GPC6: variants seen among roughly 807,000 people sequenced by gnomAD.
GPC6 encodes the protein glypican-6.
Under a neutral mutation model 55.2 loss-of-function variants are expected in GPC6, and 14 were observed. The observed-to-expected ratio is 0.25, with a 90% CI of 0.17 to 0.40. The LOEUF (loss-of-function observed/expected upper bound fraction) is 0.40. Ranked by LOEUF, GPC6 falls within the 10% of genes least tolerant of loss-of-function variation. GPC6 has a pLI of 1.00. For synonymous variants in GPC6, 278 were observed against 259.6 expected (o/e 1.07, Z -0.68); for missense variants, 641 against 708.5 (o/e 0.90, Z 1.08).
intron 3 of GPC6, among the ~76,000 whole-genome samples, chr13:93,927,189 A>G (rs890807413): frequency 5.3e-5 from 8 of 152,220 alleles, no homozygotes; most frequent in Non-Finnish European, 1.2e-4. Context: ...ACAATATCTT[A>G]GCCTGTCTGT....
rs142209231 is a variant in GPC6 at position 93,552,123 on chromosome 13, C to T, written c.319+6702C>T. On this transcript the variant is annotated intron_variant, in intron 2 of 8. Coordinates refer to ENST00000377047, the MANE Select transcript of GPC6 (RefSeq NM_005708.5). ...TACATTTGCTAGGCTACCAGCTCAG[C>T]GACATGTATTCCATCTGAAGGACAC... Among the ~76,000 whole-genome samples, 23 of 152,206 alleles carry T rather than the reference C, an allele frequency of 1.5e-4. No individual in the cohort carries two copies. The East Asian group carries it at 4.4e-3, about 29-fold the overall frequency.
intron 4 of GPC6, among the ~76,000 whole-genome samples, chr13:94,032,314 G>A (rs1481071231): frequency 3.3e-5 from 5 of 152,094 alleles, no homozygotes; most frequent in Admixed American, 6.5e-5. Context: ...AGAAGCATGG[G>A]GTGCTAAGCC....
rs1352526677 is a variant in GPC6, at chr13:94,301,061, T to C, written c.1009-4919T>C. Among the ~76,000 whole-genome samples, 6 of 152,200 alleles carry C rather than the reference T, an allele frequency of 3.9e-5. 1 individual carries two copies. The highest frequency in any genetic ancestry group is 3.3e-4 in the Admixed American group (5 of 15,282). ...TTATGAGAACCCCATGAGGAAACCATGGTCAAATAGTTTTGGGAAACACTA... is the reference window on the plus strand; with the variant it reads ...TTATGAGAACCCCATGAGGAAACCACGGTCAAATAGTTTTGGGAAACACTA... On this transcript the variant is annotated intron_variant, in intron 5 of 8. Coordinates refer to ENST00000377047, the MANE Select transcript of GPC6 (RefSeq NM_005708.5).
intron 2 of GPC6, among the ~76,000 whole-genome samples, chr13:93,595,978 A>C (rs989601618): frequency 1.4e-4 from 22 of 152,234 alleles, no homozygotes; most frequent in Admixed American, 3.9e-4. Flanking sequence ...TAAATAGCAT[A>C]AATCTTTTGG....
chr13:94,101,608 TG>T (rs953555330), intron 4 of GPC6, among the ~76,000 whole-genome samples: 22 of 152,222 alleles, frequency 1.4e-4, no homozygotes, highest in African/African-American at 5.3e-4. Context: ...ACAGATAATT[TG>T]TTCAACAGCA....
intron 1 of GPC6, among the ~76,000 whole-genome samples, chr13:93,532,020 TG>T (rs1881888030): frequency 6.6e-6 from 1 of 152,248 alleles, no homozygotes; most frequent in South Asian, 2.1e-4. Context: ...AAGTAGTTTC[TG>T]CACTTTTCTA....
chr13:93,691,916 TAGAG>T (rs965228269), intron 2 of GPC6, among the ~76,000 whole-genome samples: 7 of 152,050 alleles, frequency 4.6e-5, no homozygotes, highest in Admixed American at 1.3e-4. Context: ...GTTTTATAGT[TAGAG>T]AGAACAACTA....
chr13:94,065,890 C>T (rs1047938350), intron 4 of GPC6, among the ~76,000 whole-genome samples: 4 of 152,214 alleles, frequency 2.6e-5, no homozygotes, highest in Non-Finnish European at 5.9e-5. Flanking sequence ...GAGTATCCTT[C>T]AGTCTTCCAG....
chr13:93,989,260 T>G (rs1324181950), intron 3 of GPC6, among the ~76,000 whole-genome samples: 1 of 152,228 alleles, frequency 6.6e-6, no homozygotes, highest in Non-Finnish European at 1.5e-5. Flanking sequence ...CTGTTTTATC[T>G]GTCAGAATGA....
At chr13:93,297,091 T>C (rs2139088575) in intron 1 of GPC6, among the ~76,000 whole-genome samples, 1 of 152,310 alleles carries the variant, frequency 6.6e-6, no homozygotes, top group South Asian at 2.1e-4. Context: ...CTGTGTGATT[T>C]GGCTTTTCTT....
intron 2 of GPC6, among the ~76,000 whole-genome samples, chr13:93,566,582 A>G (rs940467624): frequency 7.2e-6 from 1 of 138,488 alleles, no homozygotes; most frequent in Non-Finnish European, 1.6e-5. Context: ...TTTTGTTATT[A>G]TACTTTAATT....
chr13:93,994,590 G>A (rs1039044905), intron 3 of GPC6, among the ~76,000 whole-genome samples: 1 of 152,126 alleles, frequency 6.6e-6, no homozygotes, highest in African/African-American at 2.4e-5. Flanking sequence ...ATTAGGATAT[G>A]TTCCATTAAC....
intron 7 of GPC6, among the ~76,000 whole-genome samples, chr13:94,390,844 C>A (rs1249353771): frequency 1.3e-5 from 2 of 151,568 alleles, no homozygotes; most frequent in African/African-American, 4.9e-5. Flanking sequence ...TCCTGACTGT[C>A]CTGGCAGGGA....
chr13:94,087,508 A>G (rs1480670277), intron 4 of GPC6, among the ~76,000 whole-genome samples: 1 of 152,200 alleles, frequency 6.6e-6, no homozygotes, highest in Non-Finnish European at 1.5e-5. Context: ...ATACAAACTG[A>G]TGTTTATTAA....
At chr13:94,058,631 C>A (rs561477079) in intron 4 of GPC6, among the ~76,000 whole-genome samples, 15 of 152,228 alleles carry the variant, frequency 9.9e-5, no homozygotes, top group Non-Finnish European at 1.8e-4. Flanking sequence ...TTTTTATAAG[C>A]CTGGGGCAGT....
At chr13:94,191,363 G>A (rs1025099464) in intron 4 of GPC6, among the ~76,000 whole-genome samples, 1 of 152,188 alleles carries the variant, frequency 6.6e-6, no homozygotes, top group Admixed American at 6.5e-5. Context: ...CTGGCTAAGT[G>A]TAGCTCAGGG....
At chr13:93,391,498 A>G (rs959195593) in intron 1 of GPC6, among the ~76,000 whole-genome samples, 7 of 152,186 alleles carry the variant, frequency 4.6e-5, no homozygotes, top group Non-Finnish European at 8.8e-5. Flanking sequence ...TTGTACACTA[A>G]TGGAAAGACC....
intron 1 of GPC6, among the ~76,000 whole-genome samples, chr13:93,498,213 C>G (rs1387061812): frequency 6.6e-6 from 1 of 152,192 alleles, no homozygotes; most frequent in African/African-American, 2.4e-5. Context: ...AGCTAATGAT[C>G]AAATATTGTC....
intron 3 of GPC6, among the ~76,000 whole-genome samples, chr13:93,906,850 A>T (rs1876696943): frequency 6.6e-6 from 1 of 152,208 alleles, no homozygotes; most frequent in South Asian, 2.1e-4. Flanking sequence ...TAGCTCTTAC[A>T]AACTGAAAGA....
Sources: gnomAD v4.1 joint callset for allele counts (sites outside exome capture counted in the v4.1 genomes callset) on GRCh38, gnomAD v4.1.1 for gene constraint, MANE v1.5 for transcripts, NCBI Gene and HGNC (gene_info 2026-07-23, HGNC 2026-07-21) for gene names.